SLC2A9: variants seen among roughly 807,000 people sequenced by gnomAD.
The protein encoded by SLC2A9 is solute carrier family 2, facilitated glucose transporter member 9.
In SLC2A9, 39 loss-of-function variants were observed where a neutral mutation model predicts 50.6. The observed-to-expected ratio is 0.77, with a 90% CI of 0.60 to 1.01. SLC2A9 has a LOEUF of 1.01. SLC2A9 is among the 50% of genes least tolerant of loss of function. The pLI, the probability that SLC2A9 is intolerant of heterozygous loss-of-function variation, is 0.00. For missense variants in SLC2A9, 686 were observed against 677.6 expected (o/e 1.01, Z -0.14); for synonymous variants, 324 against 276.9 (o/e 1.17, Z -1.69).
At chr4:9,843,086 A>G (rs1041602130) in intron 10 of SLC2A9, among the ~76,000 whole-genome samples, 4 of 152,242 alleles carry the variant, frequency 2.6e-5, no homozygotes, top group Admixed American at 1.3e-4. Context: ...TCAGTCACTC[A>G]TTGAGTGTTA....
intron 2 of SLC2A9, chr4:10,009,832 AC>A (rs1761455408): frequency 6.6e-6 from 1 of 152,212 alleles, no homozygotes; most frequent in Non-Finnish European, 1.5e-5. Context: ...AATTCATTTT[AC>A]AAACATTTTT....
At chr4:9,860,152 C>A (rs1308318505) in intron 10 of SLC2A9, among the ~76,000 whole-genome samples, 1 of 152,198 alleles carries the variant, frequency 6.6e-6, no homozygotes, top group African/African-American at 2.4e-5. Flanking sequence ...CAGGCGTTCT[C>A]TGTGGGAAAT....
At chr4:9,947,196 A>G (rs758723117) in intron 5 of SLC2A9, among the ~76,000 whole-genome samples, 3 of 152,170 alleles carry the variant, frequency 2.0e-5, no homozygotes, top group Non-Finnish European at 2.9e-5. Context: ...TTTCCTCATG[A>G]GCACTTTCCG....
At chr4:9,973,114 T>G (rs1754181260) in intron 5 of SLC2A9, among the ~76,000 whole-genome samples, 1 of 152,194 alleles carries the variant, frequency 6.6e-6, no homozygotes, top group Non-Finnish European at 1.5e-5. Context: ...GAAGGTGACA[T>G]TATAACTGAT....
intron 8 of SLC2A9, among the ~76,000 whole-genome samples, chr4:9,907,675 GC>G (rs951796680): frequency 6.6e-6 from 1 of 152,176 alleles, no homozygotes; most frequent in Non-Finnish European, 1.5e-5. Context: ...GGACAATATG[GC>G]CCTGTTTCAC....
chr4:9,968,138 AT>A (rs1560405399), intron 5 of SLC2A9, among the ~76,000 whole-genome samples: 2 of 152,050 alleles, frequency 1.3e-5, no homozygotes, highest in Non-Finnish European at 2.9e-5. Context: ...ACTGTAGCTT[AT>A]TTTTTTGTTT....
At chr4:9,866,792 G>C (rs753926747) in intron 10 of SLC2A9, among the ~76,000 whole-genome samples, 37 of 152,182 alleles carry the variant, frequency 2.4e-4, no homozygotes, top group Non-Finnish European at 4.0e-4. Flanking sequence ...ACAGCACCTA[G>C]CACCCATTTT....
At chr4:9,931,962 C>CTATATATATATATATATA (rs61538689) in intron 6 of SLC2A9, among the ~76,000 whole-genome samples, 6 of 14,576 alleles carry the variant, frequency 4.1e-4, no homozygotes, top group Non-Finnish European at 5.6e-4. Context: ...CTCTCTCTCT[C>CTATATATATATATATATA]TATATATATA....
In SLC2A9 at chr4:9,835,156, T is replaced by C. The variant is rs954501476; in HGVS notation, c.1292-148A>G. 6 of 1,074,364 alleles carry C rather than the reference T, an allele frequency of 5.6e-6. No individual in the cohort carries two copies. In the African/African-American group the frequency reaches 7.8e-5, roughly 14 times the overall value. 66.6% of individuals were successfully genotyped at this position (1,074,364 alleles called of 1,614,324 possible). A position where few individuals can be genotyped will look rare whatever the true frequency, so the allele number is the denominator to read the frequency against. On this transcript the variant is annotated intron_variant, in intron 10 of 11. Coordinates refer to ENST00000264784, the MANE Select transcript of SLC2A9 (RefSeq NM_020041.3). ...GGCCCCAGTTCCTGAGTCGCCCTGG[T>C]GGCATTGCAGTGGGACAAGTCTTTA...
intron 3 of SLC2A9, among the ~76,000 whole-genome samples, chr4:9,808,407 T>C (rs1379790695): frequency 3.3e-5 from 5 of 152,264 alleles, no homozygotes; most frequent in African/African-American, 7.2e-5. Flanking sequence ...TCGGCCACAG[T>C]GAGAAGCAGT....
chr4:9,869,988 G>A (rs1040078330), intron 10 of SLC2A9, among the ~76,000 whole-genome samples: 1 of 152,254 alleles, frequency 6.6e-6, no homozygotes. Context: ...TTGTAAGAGT[G>A]TGGAAGATGG....
At chr4:10,012,597 G>A (rs55811736) in intron 2 of SLC2A9, among the ~76,000 whole-genome samples, 26,150 of 152,060 alleles carry the variant, frequency 0.17, 2,455 homozygotes, top group Non-Finnish European at 0.21. Context: ...ATGGAGGGGT[G>A]CCATTTTGGA....
At chr4:9,773,440 T>C (rs1717111890) in intron 1 of SLC2A9, among the ~76,000 whole-genome samples, 1 of 152,196 alleles carries the variant, frequency 6.6e-6, no homozygotes, top group African/African-American at 2.4e-5. Context: ...TCTTATCAAG[T>C]TTTCCATTTG....
chr4:9,835,155 G>C lies in SLC2A9; in HGVS notation c.1292-147C>G, dbSNP rs894820470. 28 of 1,084,668 alleles carry C rather than the reference G, an allele frequency of 2.6e-5. No individual in the cohort carries two copies. The African/African-American group carries it at 3.4e-4, about 13-fold the overall frequency. 67.2% of individuals were successfully genotyped at this position (1,084,668 alleles called of 1,614,324 possible). A position where few individuals can be genotyped will look rare whatever the true frequency, so the allele number is the denominator to read the frequency against. On this transcript the variant is annotated intron_variant, in intron 10 of 11. Transcript: ENST00000264784. ...GGGCCCCAGTTCCTGAGTCGCCCTG[G>C]TGGCATTGCAGTGGGACAAGTCTTT...
chr4:10,027,611 C>G (rs1241389349), intron 1 of SLC2A9, among the ~76,000 whole-genome samples: 1 of 152,148 alleles, frequency 6.6e-6, no homozygotes, highest in Non-Finnish European at 1.5e-5. Flanking sequence ...CATGGAGCTT[C>G]TGTCACAGTG....
At chr4:9,794,477 G>T (rs542496385), downstream of SLC2A9, among the ~76,000 whole-genome samples, 98 of 152,258 alleles carry the variant, frequency 6.4e-4, no homozygotes, top group Non-Finnish European at 1.0e-3. Context: ...TAGCAGCCCT[G>T]TAAGGAGGTC....
chr4:9,929,807 A>G (rs1745581719), intron 6 of SLC2A9, among the ~76,000 whole-genome samples: 1 of 152,162 alleles, frequency 6.6e-6, no homozygotes, highest in Admixed American at 6.5e-5. Context: ...ATCATACTAC[A>G]GATGGGTGGT....
At chr4:9,819,932 TCAAAACAACAA>T (rs1577386626) in intron 3 of SLC2A9, among the ~76,000 whole-genome samples, 1 of 152,262 alleles carries the variant, frequency 6.6e-6, no homozygotes, top group East Asian at 1.9e-4. Flanking sequence ...AGACTCCGTC[TCAAAACAACAA>T]CAACAACAAA....
At chr4:9,820,445 A>G (rs1314726997) in intron 3 of SLC2A9, among the ~76,000 whole-genome samples, 1 of 152,212 alleles carries the variant, frequency 6.6e-6, no homozygotes, top group African/African-American at 2.4e-5. Context: ...ATTCGTATAC[A>G]TTTTAGAATA....
Sources: gnomAD v4.1 joint callset for allele counts (sites outside exome capture counted in the v4.1 genomes callset) on GRCh38, gnomAD v4.1.1 for gene constraint, MANE v1.5 for transcripts, NCBI Gene and HGNC (gene_info 2026-07-23, HGNC 2026-07-21) for gene names.